VSTM5: variants seen among roughly 807,000 people sequenced by gnomAD.
The protein encoded by VSTM5 is V-set and transmembrane domain-containing protein 5.
In VSTM5, 21 loss-of-function variants were observed where a neutral mutation model predicts 20.3. The observed-to-expected ratio is 1.03, with a 90% CI of 0.73 to 1.49. The LOEUF (loss-of-function observed/expected upper bound fraction) is 1.49. VSTM5 is among the 40% of genes most tolerant of loss of function. The pLI, the probability that VSTM5 is intolerant of heterozygous loss-of-function variation, is 0.00. For synonymous variants in VSTM5, 100 were observed against 102.5 expected (o/e 0.98, Z 0.14); for missense variants, 219 against 250.0 (o/e 0.88, Z 0.84).
In VSTM5 at chr11:93,832,728, C is replaced by T. The variant is rs1591399528; in HGVS notation, c.92-11405G>A. Among the ~76,000 whole-genome samples the T allele has an allele frequency of 2.0e-5, 3 of 152,294 alleles. No homozygotes were observed. The East Asian group carries it at 5.8e-4, about 29-fold the overall frequency. On this transcript the variant is annotated intron_variant, in intron 1 of 3. Transcript: ENST00000409977. ...ACTAAAGCACTATGCTTTTCCCTTC[C>T]CGGGCACTTGCTTATTTGATCACTA...
intron 1 of VSTM5, among the ~76,000 whole-genome samples, 152 bp downstream of exon 1, chr11:93,850,260 G>A (rs1944447870): frequency 6.6e-6 from 1 of 152,094 alleles, no homozygotes; most frequent in South Asian, 2.1e-4. Context: ...ACGAGGAAGC[G>A]GCGCGGTGCC....
chr11:93,837,766 C>T (rs1944335650), intron 1 of VSTM5, among the ~76,000 whole-genome samples: 1 of 152,092 alleles, frequency 6.6e-6, no homozygotes, highest in Non-Finnish European at 1.5e-5. Flanking sequence ...TATATGCCAG[C>T]CACACCCAGA....
At chr11:93,820,678 A>T (rs1490319764) in intron 3 of VSTM5, 65 bp downstream of exon 3, 9 of 1,551,542 alleles carry the variant, frequency 5.8e-6, no homozygotes, top group Non-Finnish European at 7.8e-6. Flanking sequence ...CGTGAGAACA[A>T]GATAACACAT....
chr11:93,834,116 C>G (rs1464475723), intron 1 of VSTM5, among the ~76,000 whole-genome samples: 8 of 152,154 alleles, frequency 5.3e-5, no homozygotes, highest in Non-Finnish European at 1.0e-4. Flanking sequence ...TAACAATGTT[C>G]TACTCTTTCT....
At chr11:93,846,047 T>C (rs1181575432) in intron 1 of VSTM5, among the ~76,000 whole-genome samples, 1 of 152,242 alleles carries the variant, frequency 6.6e-6, no homozygotes, top group Non-Finnish European at 1.5e-5. Flanking sequence ...AGGGTCTCAC[T>C]GTGTTGCCCA....
rs111253777 is a variant in VSTM5, at chr11:93,835,254, G to A, written c.92-13931C>T. 7.7e-4 allele frequency among the ~76,000 whole-genome samples: 116 copies of A among 151,518 alleles called. 1 individual carries two copies. The highest frequency in any genetic ancestry group is 2.6e-3 in the African/African-American group (109 of 41,226). On this transcript the variant is annotated intron_variant, in intron 1 of 3. Transcript: ENST00000409977. ...AGCCTGGGCAGAAAAACAAGAACAC[G>A]TCTCTTTAAAAAAAAAAAATTAGCC...
At chr11:93,843,974 G>A (rs1205215921) in intron 1 of VSTM5, among the ~76,000 whole-genome samples, 1 of 152,086 alleles carries the variant, frequency 6.6e-6, no homozygotes, top group Non-Finnish European at 1.5e-5. Flanking sequence ...CATCTCCTCT[G>A]CCAGGCCCCA....
intron 1 of VSTM5, among the ~76,000 whole-genome samples, chr11:93,831,871 G>T (rs1944286453): frequency 6.6e-6 from 1 of 152,216 alleles, no homozygotes. Context: ...GCCGTTATCA[G>T]ACTGGCAAAG....
chr11:93,827,652 C>G (rs1944249843), intron 1 of VSTM5: 1 of 151,496 alleles, frequency 6.6e-6, no homozygotes, highest in South Asian at 2.1e-4. Flanking sequence ...GTTATCTCAA[C>G]TGATTGTTCA....
Position 93,839,079 on chromosome 11 carries a change from C to T in VSTM5, c.91+11333G>A, listed in dbSNP as rs77346321. ...ACAGCCCGGCCCCTGCAGAAAGGGC[C>T]TTGAGAACCCGCTTGCAGTGATTGG... On this transcript the variant is annotated intron_variant, in intron 1 of 3. Coordinates refer to ENST00000409977, the MANE Select transcript of VSTM5 (RefSeq NM_001144871.2). Among the ~76,000 whole-genome samples, 738 of 152,328 alleles carry T rather than the reference C, an allele frequency of 4.8e-3. 27 individuals are homozygous for T. The highest frequency in any genetic ancestry group is 0.041 in the Admixed American group (632 of 15,300).
Position 93,825,343 on chromosome 11 carries a change from T to C in VSTM5, c.92-4020A>G, listed in dbSNP as rs747611616. Among the ~76,000 whole-genome samples the C allele has an allele frequency of 1.1e-3, 161 of 152,318 alleles. 1 individual carries two copies. Among genetic ancestry groups the C allele is most frequent in the Non-Finnish European group, 2.1e-3 (146 of 68,028 alleles). Reference sequence around the variant, plus strand: ...CACCACCACATCCAGGTAACTTTTGTATTTTTTGTAGACACAGGTTTTCAC... The same window carrying C: ...CACCACCACATCCAGGTAACTTTTGCATTTTTTGTAGACACAGGTTTTCAC... On this transcript the variant is annotated intron_variant, in intron 1 of 3. Transcript: ENST00000409977.
rs932924890 is a variant in VSTM5 at position 93,845,193 on chromosome 11, A to C, written c.91+5219T>G. Among the ~76,000 whole-genome samples, 7 of 152,322 alleles carry C rather than the reference A, an allele frequency of 4.6e-5. No homozygotes were observed. In the East Asian group the frequency reaches 1.2e-3, roughly 25 times the overall value. ...CAGTGTCTGGGTCCTGCCCTCAGAG[A>C]TAGTGATCTAATTGGTCTACAGCAG... On this transcript the variant is annotated intron_variant, in intron 1 of 3. Transcript: ENST00000409977.
intron 1 of VSTM5, among the ~76,000 whole-genome samples, chr11:93,824,493 C>T (rs562817973): frequency 6.6e-6 from 1 of 152,276 alleles, no homozygotes; most frequent in South Asian, 2.1e-4. Flanking sequence ...TTGTGCCCAT[C>T]TTTAAATCAT....
chr11:93,849,836 G>A (rs1194739880), intron 1 of VSTM5, among the ~76,000 whole-genome samples: 1 of 152,202 alleles, frequency 6.6e-6, no homozygotes, highest in African/African-American at 2.4e-5. Flanking sequence ...CGCTGGTCGC[G>A]AGGACCACCT....
At chr11:93,826,997 CTTAA>C (rs1944243896) in intron 1 of VSTM5, among the ~76,000 whole-genome samples, 1 of 152,160 alleles carries the variant, frequency 6.6e-6, no homozygotes, top group Non-Finnish European at 1.5e-5. Flanking sequence ...AAAACCTCCT[CTTAA>C]TTAGACAGAC....
At chr11:93,830,279 T>C (rs114643128) in intron 1 of VSTM5, among the ~76,000 whole-genome samples, 2,380 of 152,280 alleles carry the variant, frequency 0.016, 59 homozygotes, top group African/African-American at 0.054. Flanking sequence ...ATACATCACA[T>C]GTACTGCCCT....
At chr11:93,834,460 GT>G (rs1180714709) in intron 1 of VSTM5, among the ~76,000 whole-genome samples, 1 of 152,024 alleles carries the variant, frequency 6.6e-6, no homozygotes, top group African/African-American at 2.4e-5. Flanking sequence ...TTAAATGTCT[GT>G]CCCTGCAGAA....
At position 93,825,563 on chromosome 11, in the gene VSTM5, G is replaced by A. The variant is rs143185243; in HGVS notation, c.92-4240C>T. On this transcript the variant is annotated intron_variant, in intron 1 of 3. Coordinates refer to ENST00000409977, the MANE Select transcript of VSTM5 (RefSeq NM_001144871.2). The stretch of plus-strand genomic sequence containing the variant: ...CTTTGGGTAATATGGACGTTTTAAC[G>A]ATATTAATTCTTCCCATCCACGAAC... Among the ~76,000 whole-genome samples the A allele has an allele frequency of 2.9e-3, 445 of 152,206 alleles. 3 individuals are homozygous for A. Among genetic ancestry groups the A allele is most frequent in the African/African-American group, 9.6e-3 (399 of 41,514 alleles).
rs533413111 is a variant in VSTM5, at chr11:93,838,386, C to T, written c.91+12026G>A. ...ACTCGGGAGACTGAGGCAGGAGAAT[C>T]GCTTGAACCCGGAAGGCAGAGGTTG... On this transcript the variant is annotated intron_variant, in intron 1 of 3. Coordinates refer to ENST00000409977, the MANE Select transcript of VSTM5 (RefSeq NM_001144871.2). Among the ~76,000 whole-genome samples, 23 of 152,112 alleles carry T rather than the reference C, an allele frequency of 1.5e-4. No homozygotes were observed. The South Asian group carries it at 3.9e-3, about 26-fold the overall frequency.
Sources: allele counts gnomAD v4.1 joint callset (sites outside exome capture counted in the v4.1 genomes callset), GRCh38; gene constraint gnomAD v4.1.1; transcripts MANE v1.5; gene names NCBI Gene and HGNC (gene_info 2026-07-23, HGNC 2026-07-21).